Variants in EXOC4 observed in about 807,000 individuals in gnomAD.
EXOC4 encodes the protein exocyst complex component 4.
In EXOC4, 71 loss-of-function variants were observed where a neutral mutation model predicts 107.2. The observed-to-expected ratio is 0.66, with a 90% CI of 0.55 to 0.81. The LOEUF (loss-of-function observed/expected upper bound fraction) is 0.81. Among genes scored for constraint, EXOC4 ranks in the 30% least tolerant of loss-of-function variants. The pLI is 0.00. For missense variants in EXOC4, 1,108 were observed against 1,189.6 expected, an observed-to-expected ratio of 0.93 and a Z score of 1.01; for synonymous variants, 456 against 441.2, an observed-to-expected ratio of 1.03 and a Z score of -0.42.
intron 7 of EXOC4, among the ~76,000 whole-genome samples, chr7:133,434,850 A>G (rs1025983919): frequency 1.3e-5 from 2 of 152,054 alleles, no homozygotes; most frequent in East Asian, 3.8e-4. Context: ...TTTGTCTTCA[A>G]TGGCTATCTT....
chr7:133,293,557 A>T (rs1445877463), intron 3 of EXOC4, among the ~76,000 whole-genome samples: 1 of 152,252 alleles, frequency 6.6e-6, no homozygotes, highest in East Asian at 1.9e-4. Context: ...ATAGATTAAT[A>T]AATCCAGAGT....
chr7:133,855,104 AAT>A lies in EXOC4; in HGVS notation c.1734+37568_1734+37569del, dbSNP rs1201440271. 1.8e-3 allele frequency among the ~76,000 whole-genome samples: 113 copies of A among 61,906 alleles called. 2 individuals are homozygous for A. The highest frequency in any genetic ancestry group is 0.011 in the South Asian group (27 of 2,402). The allele number at this position is 61,906 out of a possible 152,430, so 40.6% of individuals were successfully genotyped here. A position where few individuals can be genotyped will look rare whatever the true frequency, so the allele number is the denominator to read the frequency against. ...CTAAATATATATAAATATATATATA[AAT>A]ATATATAAATATATATATATAAATA... On this transcript the variant is annotated intron_variant, in intron 11 of 17. Transcript: ENST00000253861.
Position 133,841,401 on chromosome 7 carries a change from A to G in EXOC4, c.1734+23857A>G, listed in dbSNP as rs115163083. On this transcript the variant is annotated intron_variant, in intron 11 of 17. Coordinates refer to ENST00000253861, the MANE Select transcript of EXOC4 (RefSeq NM_021807.4). ...CCACTGATAGGAGCTGGGAAGCCAG[A>G]GTCTACCATGGTTCCCAGGTTTTTT... Among the ~76,000 whole-genome samples the G allele has an allele frequency of 2.4e-3, 367 of 152,326 alleles. 5 individuals carry two copies. Among genetic ancestry groups the G allele is most frequent in the African/African-American group, 8.3e-3 (343 of 41,568 alleles).
chr7:134,070,024 G>A (rs1168317586), downstream of EXOC4, among the ~76,000 whole-genome samples: 1 of 149,728 alleles, frequency 6.7e-6, no homozygotes, highest in Non-Finnish European at 1.5e-5. Context: ...GTGAAAACAA[G>A]GAGAGTCCTG....
rs531976251 is a variant in EXOC4 at position 133,686,788 on chromosome 7, A to G, written c.1514+56647A>G. On this transcript the variant is annotated intron_variant, in intron 10 of 17. Transcript: ENST00000253861. ...TGTAAACTAGTACAACCACCATGGA[A>G]AACAGTGTAGAGATTCCTTAAAGAA... is the stretch of plus-strand genomic sequence containing the variant. Among the ~76,000 whole-genome samples, 14 of 152,280 alleles carry G rather than the reference A, an allele frequency of 9.2e-5. No homozygotes were observed. In the South Asian group the frequency reaches 2.9e-3, roughly 32 times the overall value.
intron 12 of EXOC4, among the ~76,000 whole-genome samples, chr7:133,904,047 G>T (rs1417353193): frequency 6.6e-6 from 1 of 152,190 alleles, no homozygotes; most frequent in African/African-American, 2.4e-5. Flanking sequence ...GAGACTGGGA[G>T]TAGAGGAAGG....
intron 10 of EXOC4, among the ~76,000 whole-genome samples, chr7:133,662,272 A>G (rs1793711568): frequency 6.6e-6 from 1 of 152,186 alleles, no homozygotes; most frequent in Non-Finnish European, 1.5e-5. Flanking sequence ...ACATACCCGT[A>G]TTAAGGGTGA....
intron 5 of EXOC4, among the ~76,000 whole-genome samples, chr7:133,335,686 T>C (rs1795496069): frequency 6.6e-6 from 1 of 152,228 alleles, no homozygotes; most frequent in Non-Finnish European, 1.5e-5. Context: ...TCAATTCTTC[T>C]TAATATATAC....
intron 15 of EXOC4, among the ~76,000 whole-genome samples, 166 bp downstream of exon 15, chr7:133,997,799 G>T (rs942056735): frequency 6.6e-6 from 1 of 152,128 alleles, no homozygotes; most frequent in African/African-American, 2.4e-5. Context: ...TTATTTGAGC[G>T]CACAGTGTAT....
chr7:133,576,504 C>G (rs764648870), intron 9 of EXOC4: 11 of 1,286,352 alleles, frequency 8.6e-6, no homozygotes, highest in Non-Finnish European at 1.0e-6. Context: ...TTATTTAAAA[C>G]GTTTTCTTAC....
chr7:133,715,604 A>G (rs1449372856), intron 10 of EXOC4, among the ~76,000 whole-genome samples: 1 of 152,070 alleles, frequency 6.6e-6, no homozygotes, highest in Admixed American at 6.6e-5. Flanking sequence ...ATTTTGTGTG[A>G]ATATAGGAAA....
chr7:133,983,523 C>A (rs1279560707), intron 14 of EXOC4, among the ~76,000 whole-genome samples: 2 of 152,142 alleles, frequency 1.3e-5, no homozygotes, highest in African/African-American at 4.8e-5. Flanking sequence ...CTGTTTGGTT[C>A]AGTTTCACCA....
chr7:133,594,174 A>G (rs1801611195), intron 9 of EXOC4, among the ~76,000 whole-genome samples: 1 of 152,238 alleles, frequency 6.6e-6, no homozygotes, highest in South Asian at 2.1e-4. Flanking sequence ...GATGCAAAGT[A>G]TCTGTTGCTT....
chr7:133,938,175 C>CA, intron 14 of EXOC4, 106 bp downstream of exon 14: 1 of 1,102,524 alleles, frequency 9.1e-7, no homozygotes, highest in Non-Finnish European at 1.3e-6. Context: ...GGGCGTGTCC[C>CA]AAGCTGTCAG....
Position 133,317,303 on chromosome 7 carries a change from T to C in EXOC4, c.676T>C (p.Ser226Pro). 1 of 1,613,334 alleles carries C rather than the reference T, an allele frequency of 6.2e-7. No homozygotes were observed. Among genetic ancestry groups the C allele is most frequent in the Non-Finnish European group, 8.5e-7 (1 of 1,179,302 alleles). ...GKISSLVKDA[S>P]VPLIDVTNLP... The stretch of plus-strand genomic sequence containing the variant: ...GTTCAGCTCCCTCGTGAAAGATGCT[T>C]CTGTTCCTCTGATTGATGTTACAAA... Residue 226 changes from serine (S) to proline (P), a missense_variant, in exon 5 of 18, where the codon TCT becomes CCT. Transcript: ENST00000253861.
chr7:134,076,658 A>AT, the EXOC4 span, among the ~76,000 whole-genome samples: 4 of 150,974 alleles, frequency 2.6e-5, no homozygotes, highest in Non-Finnish European at 5.9e-5. Context: ...ATAAACAAAA[A>AT]ATATATAAAT....
At chr7:133,951,140 G>A (rs758923165) in intron 14 of EXOC4, among the ~76,000 whole-genome samples, 1 of 152,158 alleles carries the variant, frequency 6.6e-6, no homozygotes, top group Admixed American at 6.5e-5. Flanking sequence ...AATGAGGAGG[G>A]GTGCTTTTCT....
intron 7 of EXOC4, among the ~76,000 whole-genome samples, chr7:133,378,449 C>T (rs981303700): frequency 3.5e-4 from 53 of 149,508 alleles, no homozygotes; most frequent in Non-Finnish European, 6.7e-4. Context: ...CCCCACATTT[C>T]TTGATTTATT....
intron 4 of EXOC4, among the ~76,000 whole-genome samples, chr7:133,308,322 T>A (rs1794798464): frequency 6.6e-6 from 1 of 152,156 alleles, no homozygotes; most frequent in Admixed American, 6.5e-5. Flanking sequence ...ATAGGGTCTT[T>A]TAGAAAGTGA....
Sources: gnomAD v4.1 joint callset for allele counts (sites outside exome capture counted in the v4.1 genomes callset) on GRCh38, gnomAD v4.1.1 for gene constraint, MANE v1.5 for transcripts, NCBI Gene and HGNC (gene_info 2026-07-23, HGNC 2026-07-21) for gene names.